The following PFKFB3 variants were observed in gnomAD, a reference collection of about 807,000 sequenced individuals.
PFKFB3 encodes 6-phosphofructo-2-kinase/fructose-2,6-biphosphatase 3.
A neutral mutation model predicts 68.0 loss-of-function variants in PFKFB3; 33 were observed. The ratio of observed to expected loss-of-function variants is 0.49; its 90% CI spans 0.37 to 0.65. PFKFB3 has a LOEUF of 0.65. Among genes scored for constraint, PFKFB3 ranks in the 30% least tolerant of loss-of-function variants. PFKFB3 has a pLI of 0.00. For synonymous variants in PFKFB3, 315 were observed against 288.2 expected, an observed-to-expected ratio of 1.09 and a Z score of -0.94; for missense variants, 586 against 712.2, an observed-to-expected ratio of 0.82 and a Z score of 2.02.
intron 1 of PFKFB3, among the ~76,000 whole-genome samples, chr10:6,159,698 A>T (rs1190268254): frequency 6.6e-6 from 1 of 151,270 alleles, no homozygotes; most frequent in African/African-American, 2.4e-5. Context: ...GTCTGAGGAA[A>T]AAAAAAAAAA....
At chr10:6,289,133 A>T in the PFKFB3 span, among the ~76,000 whole-genome samples, 41 of 139,672 alleles carry the variant, frequency 2.9e-4, 3 homozygotes, top group African/African-American at 1.0e-3. Context: ...GGTTGCGAAA[A>T]TTTTCTCCCA....
the PFKFB3 span, among the ~76,000 whole-genome samples, chr10:6,269,021 C>A: frequency 7.2e-5 from 4 of 55,804 alleles, no homozygotes; most frequent in Non-Finnish European, 1.6e-4. Context: ...GAGATCCTGT[C>A]TCAAAAAAAA....
the PFKFB3 span, among the ~76,000 whole-genome samples, chr10:6,287,085 T>C: frequency 6.6e-6 from 1 of 152,114 alleles, no homozygotes; most frequent in Middle Eastern, 3.4e-3. Context: ...TAATACTGTT[T>C]TTTTGTTTTG....
chr10:6,226,058 T>C, intron 13 of PFKFB3, 134 bp from the exon 14 acceptor site: 2 of 737,824 alleles, frequency 2.7e-6, no homozygotes, highest in Non-Finnish European at 4.5e-6. Flanking sequence ...CCCTGGCCCG[T>C]GGTCCCGGCC....
the PFKFB3 span, among the ~76,000 whole-genome samples, chr10:6,276,368 C>G: frequency 6.6e-6 from 1 of 150,800 alleles, no homozygotes; most frequent in Admixed American, 6.6e-5. Flanking sequence ...GTTTATGGAT[C>G]TATTTCATAA....
intron 1 of PFKFB3, among the ~76,000 whole-genome samples, chr10:6,183,901 A>AG (rs1410479940): frequency 6.6e-6 from 1 of 151,322 alleles, no homozygotes; most frequent in East Asian, 2.0e-4. Flanking sequence ...CGTGTTAGCC[A>AG]GGGTGGTCTT....
intron 14 of PFKFB3, among the ~76,000 whole-genome samples, chr10:6,244,739 A>ATGG (rs113965188): frequency 0.096 from 14,591 of 152,126 alleles, 1,238 homozygotes; most frequent in African/African-American, 0.21. Flanking sequence ...AGCACGTTGG[A>ATGG]CTGGAAATGC....
the PFKFB3 span, among the ~76,000 whole-genome samples, chr10:6,260,609 G>A: frequency 4.0e-5 from 6 of 151,822 alleles, no homozygotes; most frequent in Non-Finnish European, 7.4e-5. Flanking sequence ...GTTTTCTTTC[G>A]CCTGTTTGTT....
chr10:6,236,058 T>G (rs74112209), downstream of PFKFB3, among the ~76,000 whole-genome samples: 4,747 of 152,242 alleles, frequency 0.031, 194 homozygotes, highest in Admixed American at 0.092. Context: ...TGAGCCACTG[T>G]GCCTGGCCCC....
intron 1 of PFKFB3, among the ~76,000 whole-genome samples, chr10:6,206,843 T>C (rs1393055681): frequency 3.9e-3 from 56 of 14,350 alleles, no homozygotes; most frequent in African/African-American, 5.0e-3. Flanking sequence ...CCAGACGGGG[T>C]GGCGGCCGGG....
At chr10:6,283,022 A>G in the PFKFB3 span, among the ~76,000 whole-genome samples, 3 of 152,102 alleles carry the variant, frequency 2.0e-5, no homozygotes, top group Non-Finnish European at 4.4e-5. Context: ...ATGAAGTGCA[A>G]TGGCACGATC....
At chr10:6,262,363 A>G in the PFKFB3 span, among the ~76,000 whole-genome samples, 77 of 61,578 alleles carry the variant, frequency 1.3e-3, no homozygotes, top group African/African-American at 3.6e-3. Context: ...CTGAGGCAGG[A>G]GAATGGCGTG....
chr10:6,167,466 T>C (rs1429280641), intron 1 of PFKFB3, among the ~76,000 whole-genome samples: 2 of 152,258 alleles, frequency 1.3e-5, no homozygotes, highest in African/African-American at 4.8e-5. Flanking sequence ...GAGTCTCTTT[T>C]TTGTTTCTGC....
At chr10:6,212,391 C>A (rs770206612) in intron 1 of PFKFB3, among the ~76,000 whole-genome samples, 1 of 152,180 alleles carries the variant, frequency 6.6e-6, no homozygotes, top group African/African-American at 2.4e-5. Flanking sequence ...ATGCCAAGAC[C>A]GTCATGTAGC....
At chr10:6,203,366 A>T (rs1843464734) in intron 1 of PFKFB3, 30 bp downstream of exon 1, 2 of 1,555,536 alleles carry the variant, frequency 1.3e-6, no homozygotes, top group Non-Finnish European at 1.7e-6. Flanking sequence ...GCCGGGTTGC[A>T]GGGCGGGCTG....
At chr10:6,224,883 C>T (rs1845224562) in intron 13 of PFKFB3, among the ~76,000 whole-genome samples, 1 of 151,768 alleles carries the variant, frequency 6.6e-6, no homozygotes, top group East Asian at 1.9e-4. Context: ...CTGTTTCAAA[C>T]AGGATCAGCA....
At chr10:6,219,845 C>T (rs567597055) in intron 7 of PFKFB3, 152 bp downstream of exon 7, 30 of 704,218 alleles carry the variant, frequency 4.3e-5, no homozygotes, top group African/African-American at 2.1e-4. Context: ...CTATGTTGCC[C>T]GGGCTGGTCT....
the PFKFB3 span, among the ~76,000 whole-genome samples, chr10:6,280,313 C>T: frequency 6.6e-6 from 1 of 152,226 alleles, no homozygotes; most frequent in Non-Finnish European, 1.5e-5. Flanking sequence ...CTCCTTTGGG[C>T]GGATAGCGCC....
chr10:6,157,247 G>C (rs1477427836), intron 1 of PFKFB3, among the ~76,000 whole-genome samples: 2 of 147,204 alleles, frequency 1.4e-5, no homozygotes, highest in African/African-American at 5.0e-5. Context: ...TTTTTTTTGA[G>C]ACGGAGTCTC....
Sources: allele counts gnomAD v4.1 joint callset (sites outside exome capture counted in the v4.1 genomes callset), GRCh38; gene constraint gnomAD v4.1.1; transcripts MANE v1.5; gene names NCBI Gene and HGNC (gene_info 2026-07-23, HGNC 2026-07-21).